The following RAB3GAP2 variants were observed in gnomAD, a reference collection of about 807,000 sequenced individuals.
The protein encoded by RAB3GAP2 is rab3 GTPase-activating protein non-catalytic subunit.
RAB3GAP2 carries 87 observed loss-of-function variants against 185.3 expected under a neutral mutation model. The ratio of observed to expected loss-of-function variants is 0.47; its 90% confidence interval spans 0.39 to 0.56. RAB3GAP2 has a LOEUF of 0.56. Ranked by LOEUF, RAB3GAP2 falls within the 20% of genes least tolerant of loss-of-function variation. RAB3GAP2 has a pLI of 0.00. For missense variants in RAB3GAP2, 1,492 were observed against 1,638.2 expected, an observed-to-expected ratio of 0.91 and a Z score of 1.54; for synonymous variants, 554 against 576.1, an observed-to-expected ratio of 0.96 and a Z score of 0.55.
At chr1:220,221,809 T>C (rs542911197) in intron 2 of RAB3GAP2, among the ~76,000 whole-genome samples, 1 of 152,252 alleles carries the variant, frequency 6.6e-6, no homozygotes, top group Admixed American at 6.5e-5. Context: ...AATCAGTCTT[T>C]CAACTATAGC....
rs187287184 is a variant in RAB3GAP2 at position 220,258,300 on chromosome 1, C to T, written c.115+13923G>A. On this transcript the variant is annotated intron_variant, in intron 1 of 34. Coordinates refer to ENST00000358951, the MANE Select transcript of RAB3GAP2 (RefSeq NM_012414.4). ...ACAACAAAAGAAAAAAACTTCAGGC[C>T]AATATTCCTGATGAACATCAGTGTA... Among the ~76,000 whole-genome samples the T allele has an allele frequency of 3.3e-5, 5 of 152,262 alleles. No individual in the cohort carries two copies. In the East Asian group the frequency reaches 9.6e-4, roughly 29 times the overall value.
At chr1:220,162,783 G>A (rs953006863) in intron 27 of RAB3GAP2, among the ~76,000 whole-genome samples, 1 of 152,120 alleles carries the variant, frequency 6.6e-6, no homozygotes, top group East Asian at 1.9e-4. Flanking sequence ...CAGAACATAT[G>A]TATGAGATTG....
chr1:220,174,610 A>G (rs1012963597), intron 21 of RAB3GAP2, among the ~76,000 whole-genome samples: 5 of 152,218 alleles, frequency 3.3e-5, no homozygotes, highest in Non-Finnish European at 7.3e-5. Flanking sequence ...GTGCTATCAA[A>G]TAGAAGGTCT....
At position 220,172,041 on chromosome 1, in the gene RAB3GAP2, C is replaced by G. The variant is rs771656781; in HGVS notation, c.2425G>C (p.Asp809His). The change falls in exon 23 of 35, where the codon GAT becomes CAT. Residue 809 changes from aspartate (D) to histidine (H), a missense_variant. Physicochemically the swap from Asp to His is moderately conservative, Grantham distance 81 (BLOSUM62 -1). This residue lies in a region of RAB3GAP2 where 681 missense variants were observed against 689.1 expected (regional missense o/e 0.99). Transcript: ENST00000358951. ...SLLSKMKVAI[D>H]ETWDSQSVSP... ...ACAGACTGAGAATCCCAGGTCTCAT[C>G]GATGGCCACTATAGGGATAGGAGAA... The G allele has an allele frequency of 1.2e-6, 2 of 1,614,094 alleles. No homozygotes were observed. The highest frequency in any genetic ancestry group is 4.5e-5 in the East Asian group (2 of 44,876).
At chr1:220,200,962 T>G (rs978616158) in intron 9 of RAB3GAP2, among the ~76,000 whole-genome samples, 3 of 152,210 alleles carry the variant, frequency 2.0e-5, no homozygotes, top group African/African-American at 7.2e-5. Flanking sequence ...GTGTATGGTG[T>G]GCTGGAGAAA....
chr1:220,187,688 TG>T (rs997665859), intron 17 of RAB3GAP2, among the ~76,000 whole-genome samples: 3 of 152,046 alleles, frequency 2.0e-5, no homozygotes, highest in Admixed American at 6.6e-5. Flanking sequence ...TCCTGAATAG[TG>T]GCTTGCCAGG....
chr1:220,265,247 T>A (rs2102535848), intron 1 of RAB3GAP2, among the ~76,000 whole-genome samples: 1 of 152,208 alleles, frequency 6.6e-6, no homozygotes, highest in East Asian at 2.0e-4. Flanking sequence ...TGATTTTAGG[T>A]TATCCTAAAT....
intron 1 of RAB3GAP2, chr1:220,254,310 A>G (rs1393049106): frequency 1.2e-6 from 2 of 1,613,460 alleles, no homozygotes; most frequent in East Asian, 2.2e-5. Context: ...AAATTCTTGC[A>G]GATCATCCCG....
intron 2 of RAB3GAP2, chr1:220,219,361 C>T (rs1471364260): frequency 6.6e-6 from 1 of 152,214 alleles, no homozygotes; most frequent in Non-Finnish European, 1.5e-5. Flanking sequence ...GAAAAGAAAT[C>T]AAGCTCTAAA....
chr1:220,250,080 G>C (rs1176819101), intron 1 of RAB3GAP2, among the ~76,000 whole-genome samples: 1 of 152,138 alleles, frequency 6.6e-6, no homozygotes, highest in Non-Finnish European at 1.5e-5. Flanking sequence ...TTGTTCTCCT[G>C]AACCCAGAAT....
intron 1 of RAB3GAP2, among the ~76,000 whole-genome samples, chr1:220,259,146 C>T (rs1310873158): frequency 1.3e-5 from 2 of 152,114 alleles, no homozygotes; most frequent in Admixed American, 6.5e-5. Context: ...TGAAAATGGT[C>T]ATACTGCCCA....
intron 1 of RAB3GAP2, among the ~76,000 whole-genome samples, chr1:220,234,109 T>G (rs995224962): frequency 1.3e-4 from 20 of 152,208 alleles, no homozygotes; most frequent in African/African-American, 4.6e-4. Flanking sequence ...TTTTTAATCA[T>G]AAAGGCATGG....
chr1:220,253,935 T>C (rs945654822), intron 1 of RAB3GAP2: 51 of 1,613,460 alleles, frequency 3.2e-5, no homozygotes, highest in Non-Finnish European at 4.1e-5. Flanking sequence ...GAAATGGAGA[T>C]GGTGGCAGTA....
chr1:220,159,836 G>A (rs969845008), intron 28 of RAB3GAP2, among the ~76,000 whole-genome samples: 8 of 151,978 alleles, frequency 5.3e-5, no homozygotes, highest in Non-Finnish European at 1.0e-4. Context: ...CGCCAACATG[G>A]TGAAACCCCA....
At chr1:220,235,081 C>A (rs2102893017) in intron 1 of RAB3GAP2, among the ~76,000 whole-genome samples, 1 of 152,228 alleles carries the variant, frequency 6.6e-6, no homozygotes, top group South Asian at 2.1e-4. Flanking sequence ...AGTTCCAAAA[C>A]CCATGCTCCT....
intron 7 of RAB3GAP2, among the ~76,000 whole-genome samples, chr1:220,206,262 C>T (rs1658964431): frequency 6.6e-6 from 1 of 152,086 alleles, no homozygotes; most frequent in African/African-American, 2.4e-5. Context: ...TAAAGAATTA[C>T]AATTTCATAA....
At chr1:220,210,107 C>T (rs4511114) in intron 7 of RAB3GAP2, among the ~76,000 whole-genome samples, 2 of 151,826 alleles carry the variant, frequency 1.3e-5, no homozygotes, top group Non-Finnish European at 2.9e-5. Flanking sequence ...TTTTTGCCTT[C>T]CCATTATTAA....
chr1:220,154,993 G>C (rs7556515), intron 31 of RAB3GAP2, among the ~76,000 whole-genome samples: 1 of 152,154 alleles, frequency 6.6e-6, no homozygotes, highest in African/African-American at 2.4e-5. Flanking sequence ...CCAAAGTGCT[G>C]GGATTACAGG....
chr1:220,157,952 G>GT, intron 29 of RAB3GAP2, 76 bp from the exon 30 acceptor site: 1 of 1,106,440 alleles, frequency 9.0e-7, no homozygotes, highest in South Asian at 1.3e-5. Flanking sequence ...CAAGAACCAG[G>GT]ATACAATACA....
Sources: gnomAD v4.1 joint callset for allele counts (sites outside exome capture counted in the v4.1 genomes callset) on GRCh38, gnomAD v4.1.1 for gene constraint, gnomAD v4.1.1 regional missense constraint, MANE v1.5 for transcripts, NCBI Gene and HGNC (gene_info 2026-07-23, HGNC 2026-07-21) for gene names.